LRMDA: variants seen among roughly 807,000 people sequenced by gnomAD.
LRMDA encodes the protein leucine rich melanocyte differentiation associated.
A neutral mutation model predicts 29.8 loss-of-function variants in LRMDA; 18 were observed. The ratio of observed to expected loss-of-function variants is 0.60; its 90% CI spans 0.42 to 0.90. The LOEUF (loss-of-function observed/expected upper bound fraction) is 0.90. LRMDA is among the 40% of genes least tolerant of loss of function. The pLI, the probability that LRMDA is intolerant of heterozygous loss-of-function variation, is 0.00. For synonymous variants in LRMDA, 125 were observed against 109.4 expected, an observed-to-expected ratio of 1.14 and a Z score of -0.89; for missense variants, 273 against 273.9, an observed-to-expected ratio of 1.00 and a Z score of 0.02.
At chr10:76,216,295 A>G (rs1851727264) in intron 5 of LRMDA, among the ~76,000 whole-genome samples, 2 of 152,216 alleles carry the variant, frequency 1.3e-5, no homozygotes, top group African/African-American at 2.4e-5. Context: ...GTTTCAGGTT[A>G]CAGTGAGGTA....
intron 2 of LRMDA, chr10:75,782,973 T>C: frequency 6.2e-7 from 1 of 1,614,016 alleles, no homozygotes; most frequent in Non-Finnish European, 8.5e-7. Flanking sequence ...TGCCTTGAAA[T>C]GAATGGAAAA....
intron 2 of LRMDA, among the ~76,000 whole-genome samples, chr10:75,641,026 AC>A (rs1841447015): frequency 6.6e-6 from 1 of 152,232 alleles, no homozygotes; most frequent in African/African-American, 2.4e-5. Context: ...CACTGTTAAG[AC>A]ACACAAGGAA....
At chr10:76,015,159 G>A (rs1280238376) in intron 2 of LRMDA, among the ~76,000 whole-genome samples, 1 of 152,240 alleles carries the variant, frequency 6.6e-6, no homozygotes, top group African/African-American at 2.4e-5. Context: ...TTTGCCAGGT[G>A]TATTAGTTAT....
At chr10:76,156,835 A>C (rs1368327772) in intron 5 of LRMDA, among the ~76,000 whole-genome samples, 2 of 152,204 alleles carry the variant, frequency 1.3e-5, no homozygotes, top group African/African-American at 4.8e-5. Context: ...GATTTCTTCC[A>C]AGATACATTC....
intron 2 of LRMDA, among the ~76,000 whole-genome samples, chr10:75,732,375 G>A (rs1385687405): frequency 1.3e-5 from 2 of 152,236 alleles, no homozygotes; most frequent in East Asian, 1.9e-4. Flanking sequence ...CAGATTCTTG[G>A]GCAAGAGTAC....
chr10:76,207,386 C>T (rs1241126420), intron 5 of LRMDA, among the ~76,000 whole-genome samples: 1 of 152,176 alleles, frequency 6.6e-6, no homozygotes, highest in African/African-American at 2.4e-5. Flanking sequence ...GTTCAGGGAT[C>T]CTACGTCTGT....
At chr10:76,076,072 G>A (rs947396668) in intron 5 of LRMDA, among the ~76,000 whole-genome samples, 5 of 152,034 alleles carry the variant, frequency 3.3e-5, no homozygotes, top group Admixed American at 6.5e-5. Context: ...GGCTGGGCGC[G>A]GTGGCTCATG....
At chr10:76,145,889 T>C (rs1850307383) in intron 5 of LRMDA, among the ~76,000 whole-genome samples, 1 of 151,300 alleles carries the variant, frequency 6.6e-6, no homozygotes, top group African/African-American at 2.4e-5. Flanking sequence ...TGGTATGTTG[T>C]GTCTTTGTTC....
chr10:75,914,357 C>T (rs1845895363), intron 2 of LRMDA, among the ~76,000 whole-genome samples: 2 of 152,204 alleles, frequency 1.3e-5, no homozygotes, highest in Admixed American at 1.3e-4. Flanking sequence ...GAACCTGTGA[C>T]TTTATTTATC....
At chr10:75,772,623 C>A (rs1291515225) in intron 2 of LRMDA, among the ~76,000 whole-genome samples, 1 of 152,096 alleles carries the variant, frequency 6.6e-6, no homozygotes, top group Non-Finnish European at 1.5e-5. Context: ...TATGCAAATT[C>A]AAAACTGAAA....
chr10:75,942,083 G>A (rs1846401201), intron 2 of LRMDA, among the ~76,000 whole-genome samples: 2 of 152,138 alleles, frequency 1.3e-5, no homozygotes, highest in Admixed American at 6.5e-5. Flanking sequence ...CCAGTGGGAT[G>A]GAGGCTCTCT....
chr10:76,483,265 A>C (rs1842749687), intron 6 of LRMDA, among the ~76,000 whole-genome samples: 2 of 151,930 alleles, frequency 1.3e-5, no homozygotes, highest in African/African-American at 2.4e-5. Flanking sequence ...TTATCTATTT[A>C]AGAAATATTA....
chr10:75,662,749 C>G (rs1253403771), intron 2 of LRMDA, among the ~76,000 whole-genome samples: 1 of 152,152 alleles, frequency 6.6e-6, no homozygotes, highest in Non-Finnish European at 1.5e-5. Flanking sequence ...TCTGTCTTGT[C>G]TTTGGTGAGG....
chr10:76,146,182 A>T (rs976027323), intron 5 of LRMDA, among the ~76,000 whole-genome samples: 93 of 152,116 alleles, frequency 6.1e-4, no homozygotes, highest in African/African-American at 2.1e-3. Flanking sequence ...TTTGGGGTGG[A>T]GAGTTCTGTA....
At chr10:75,890,025 A>T (rs1845457570) in intron 2 of LRMDA, among the ~76,000 whole-genome samples, 1 of 152,142 alleles carries the variant, frequency 6.6e-6, no homozygotes, top group Non-Finnish European at 1.5e-5. Context: ...GTTCCATGTA[A>T]GCAGAAACAT....
At position 76,381,647 on chromosome 10, in the gene LRMDA, A is replaced by G. The variant is rs139145292; in HGVS notation, c.601+57162A>G. Among the ~76,000 whole-genome samples the G allele has an allele frequency of 3.1e-3, 471 of 151,848 alleles. 4 individuals carry two copies. The highest frequency in any genetic ancestry group is 0.011 in the African/African-American group (441 of 41,370). ...CTCCGTGCTTACAAAAGAATATCCCACTCCTTTAGCTCTTTGGCTCCTTTC... is the reference window on the plus strand; with the variant it reads ...CTCCGTGCTTACAAAAGAATATCCCGCTCCTTTAGCTCTTTGGCTCCTTTC... On this transcript the variant is annotated intron_variant, in intron 6 of 6. Transcript: ENST00000611255.
chr10:75,926,347 A>G (rs1029098333), intron 2 of LRMDA, among the ~76,000 whole-genome samples: 5 of 152,212 alleles, frequency 3.3e-5, no homozygotes, highest in African/African-American at 1.2e-4. Context: ...TCCTGGTCAC[A>G]AAAGTTAACC....
intron 2 of LRMDA, among the ~76,000 whole-genome samples, chr10:76,033,723 C>T (rs967606275): frequency 2.0e-5 from 3 of 152,242 alleles, no homozygotes; most frequent in South Asian, 2.1e-4. Flanking sequence ...ATTAACCACC[C>T]GTAAGGCTCC....
intron 6 of LRMDA, among the ~76,000 whole-genome samples, chr10:76,469,963 C>T (rs1842601567): frequency 6.6e-6 from 1 of 152,044 alleles, no homozygotes; most frequent in Admixed American, 6.6e-5. Context: ...CATCCCTTCT[C>T]CCCTATGATC....
Sources: gnomAD v4.1 joint callset for allele counts (sites outside exome capture counted in the v4.1 genomes callset) on GRCh38, gnomAD v4.1.1 for gene constraint, MANE v1.5 for transcripts, NCBI Gene and HGNC (gene_info 2026-07-23, HGNC 2026-07-21) for gene names.